PPM1L: variants seen among roughly 807,000 people sequenced by gnomAD.
PPM1L encodes the protein protein phosphatase 1L.
In PPM1L, 13 loss-of-function variants were observed where a neutral mutation model predicts 31.4. The observed-to-expected ratio is 0.41, with a 90% CI of 0.27 to 0.66. The LOEUF is 0.66. PPM1L is among the 30% of genes least tolerant of loss of function. PPM1L has a pLI of 0.29. For missense variants in PPM1L, 326 were observed against 453.7 expected, an observed-to-expected ratio of 0.72 and a Z score of 2.56; for synonymous variants, 184 against 175.4, an observed-to-expected ratio of 1.05 and a Z score of -0.39.
At chr3:160,832,321 A>G (rs1560119549) in intron 1 of PPM1L, among the ~76,000 whole-genome samples, 2 of 152,074 alleles carry the variant, frequency 1.3e-5, no homozygotes, top group Non-Finnish European at 2.9e-5. Flanking sequence ...GCCTTGGGAT[A>G]TGATGGAGTT....
intron 1 of PPM1L, among the ~76,000 whole-genome samples, chr3:160,815,154 T>C (rs1712957214): frequency 2.0e-5 from 3 of 152,016 alleles, no homozygotes; most frequent in Admixed American, 2.0e-4. Flanking sequence ...CCAAAAACTA[T>C]TGAAATTAAA....
intron 2 of PPM1L, among the ~76,000 whole-genome samples, chr3:161,030,068 G>A (rs1452892638): frequency 6.6e-6 from 1 of 152,144 alleles, no homozygotes; most frequent in Non-Finnish European, 1.5e-5. Flanking sequence ...GCCTGTCTCA[G>A]ACAAAATTTT....
At chr3:160,996,718 A>G (rs1453479919) in intron 2 of PPM1L, among the ~76,000 whole-genome samples, 1 of 152,156 alleles carries the variant, frequency 6.6e-6, no homozygotes, top group African/African-American at 2.4e-5. Flanking sequence ...GTACACTAAA[A>G]TCTCAGAAAT....
At chr3:161,032,023 T>A (rs1311552005) in intron 2 of PPM1L, among the ~76,000 whole-genome samples, 1 of 152,190 alleles carries the variant, frequency 6.6e-6, no homozygotes, top group Non-Finnish European at 1.5e-5. Flanking sequence ...CCTTCTTGTC[T>A]CCTTACCACA....
chr3:160,974,402 G>A (rs549792238), intron 2 of PPM1L, among the ~76,000 whole-genome samples: 6 of 152,062 alleles, frequency 3.9e-5, no homozygotes, highest in African/African-American at 1.2e-4. Context: ...TGGGATGGCT[G>A]GGTCAAATGG....
rs779383143 is a variant in PPM1L at position 161,069,095 on chromosome 3, C to T, written c.1021C>T (p.Pro341Ser). The change falls in exon 4 of 4, where the codon CCT (proline) becomes TCT (serine). Residue 341 changes from proline to serine, a missense_variant. By Grantham distance (74) the Pro-to-Ser change is moderately conservative. Coordinates refer to ENST00000498165, the MANE Select transcript of PPM1L (RefSeq NM_139245.4). ...TTTACAGTCATTTTACAGAGGCTGC[C>T]CTGACAATATAACAGTCATGGTGGT... is the stretch of plus-strand genomic sequence containing the variant. ...IVLQSFYRGC[P>S]DNITVMVVKF... 6.2e-7 allele frequency: 1 copy of T among 1,614,130 alleles called. No homozygotes were observed. The highest frequency in any genetic ancestry group is 8.5e-7 in the Non-Finnish European group (1 of 1,180,010).
At chr3:160,997,869 A>G (rs777457270) in intron 2 of PPM1L, among the ~76,000 whole-genome samples, 2 of 152,170 alleles carry the variant, frequency 1.3e-5, no homozygotes, top group African/African-American at 4.8e-5. Flanking sequence ...AACAATCTCA[A>G]AATAAAATTG....
intron 1 of PPM1L, among the ~76,000 whole-genome samples, chr3:160,833,467 C>A (rs1303916300): frequency 6.6e-6 from 1 of 152,160 alleles, no homozygotes; most frequent in East Asian, 1.9e-4. Flanking sequence ...TTAATAATCA[C>A]TATTCTGACT....
chr3:160,823,759 T>C (rs2108092617), intron 1 of PPM1L, among the ~76,000 whole-genome samples: 1 of 152,252 alleles, frequency 6.6e-6, no homozygotes, highest in South Asian at 2.1e-4. Flanking sequence ...CCCCCATTTA[T>C]GGATGATGAA....
At chr3:160,958,804 A>G (rs1715862190) in intron 1 of PPM1L, among the ~76,000 whole-genome samples, 1 of 152,226 alleles carries the variant, frequency 6.6e-6, no homozygotes, top group Admixed American at 6.5e-5. Context: ...TCTAGGGGAT[A>G]AAATATAACT....
chr3:160,843,423 CTTTTATATAT>C (rs1465559002), intron 1 of PPM1L, among the ~76,000 whole-genome samples: 2 of 28,550 alleles, frequency 7.0e-5, no homozygotes, highest in African/African-American at 2.6e-4. Flanking sequence ...TATGGCAATT[CTTTTATATAT>C]ATATATATAT....
chr3:160,762,977 C>T (rs1445700320), intron 1 of PPM1L, among the ~76,000 whole-genome samples: 1 of 152,042 alleles, frequency 6.6e-6, no homozygotes, highest in Non-Finnish European at 1.5e-5. Context: ...TTCATATCAG[C>T]ACCGGGAGTG....
chr3:161,021,655 A>G lies in PPM1L; in HGVS notation c.575-43748A>G, dbSNP rs537849604. ...GTCATCTATTATTGTTGAACTATCT[A>G]TTTTCCTCTTTAATTCTGTTAGTTT... On this transcript the variant is annotated intron_variant, in intron 2 of 3. Transcript: ENST00000498165. Among the ~76,000 whole-genome samples the G allele has an allele frequency of 1.5e-3, 231 of 151,840 alleles. 1 individual carries two copies. The highest frequency in any genetic ancestry group is 5.2e-3 in the African/African-American group (214 of 41,442).
chr3:160,840,825 G>C (rs900859152), intron 1 of PPM1L, among the ~76,000 whole-genome samples: 1 of 151,948 alleles, frequency 6.6e-6, no homozygotes, highest in African/African-American at 2.4e-5. Flanking sequence ...GAGAGAGAGA[G>C]AGAAAGAGAA....
At chr3:161,040,870 A>C (rs1718886893) in intron 2 of PPM1L, among the ~76,000 whole-genome samples, 1 of 152,310 alleles carries the variant, frequency 6.6e-6, no homozygotes, top group East Asian at 1.9e-4. Context: ...TTTTATCCCC[A>C]AAACATGTTT....
At position 160,814,554 on chromosome 3, in the gene PPM1L, C is replaced by T. The variant is rs1034205902; in HGVS notation, c.399+57847C>T. 1.5e-3 allele frequency among the ~76,000 whole-genome samples: 154 copies of T among 101,810 alleles called. 2 individuals are homozygous for T. The highest frequency in any genetic ancestry group is 5.8e-3 in the African/African-American group (144 of 24,996). The allele number at this position is 101,810 out of a possible 152,430, so 66.8% of individuals were successfully genotyped here. Reference sequence around the variant, plus strand: ...ATGTATGTATGTGTATATATACACACACACATATGTATGTATGTGTATATA... The same window carrying T: ...ATGTATGTATGTGTATATATACACATACACATATGTATGTATGTGTATATA... On this transcript the variant is annotated intron_variant, in intron 1 of 3. Transcript: ENST00000498165.
intron 2 of PPM1L, among the ~76,000 whole-genome samples, chr3:161,018,128 T>C (rs987921352): frequency 6.6e-6 from 1 of 152,202 alleles, no homozygotes; most frequent in African/African-American, 2.4e-5. Context: ...TCAGACTGTG[T>C]ATGCATGTGT....
chr3:160,999,476 A>G (rs1370832720), intron 2 of PPM1L, among the ~76,000 whole-genome samples: 1 of 152,140 alleles, frequency 6.6e-6, no homozygotes, highest in African/African-American at 2.4e-5. Context: ...AATCTCTTAC[A>G]CCCCAGTTAT....
chr3:160,917,966 C>T (rs1714248958), intron 1 of PPM1L, among the ~76,000 whole-genome samples: 1 of 152,134 alleles, frequency 6.6e-6, no homozygotes, highest in African/African-American at 2.4e-5. Context: ...GCACCTTGAC[C>T]ACCTGGAAAA....
Sources: gnomAD v4.1 joint callset for allele counts (sites outside exome capture counted in the v4.1 genomes callset) on GRCh38, gnomAD v4.1.1 for gene constraint, MANE v1.5 for transcripts, NCBI Gene and HGNC (gene_info 2026-07-23, HGNC 2026-07-21) for gene names.